Variants in PIEZO2 observed in about 807,000 individuals in gnomAD.
PIEZO2 encodes piezo-type mechanosensitive ion channel component 2.
In PIEZO2, 172 loss-of-function variants were observed where a neutral mutation model predicts 337.3. The observed-to-expected ratio is 0.51, with a 90% confidence interval of 0.45 to 0.58. PIEZO2 has a LOEUF of 0.58. PIEZO2 is among the 20% of genes least tolerant of loss of function. The pLI, the probability that PIEZO2 is intolerant of heterozygous loss-of-function variation, is 0.00. For missense variants in PIEZO2, 3,028 were observed against 3,391.3 expected, an observed-to-expected ratio of 0.89 and a Z score of 2.66; for synonymous variants, 1,251 against 1,228.5, an observed-to-expected ratio of 1.02 and a Z score of -0.38.
Position 10,746,806 on chromosome 18 carries a change from C to T in PIEZO2, c.4424+1665G>A, listed in dbSNP as rs900186948. ...GCCCTCGGCCGACACTGAATCTGCTCGAACCTTGATGTTGGACTTTCCAGC... is the reference window on the plus strand; with the variant it reads ...GCCCTCGGCCGACACTGAATCTGCTTGAACCTTGATGTTGGACTTTCCAGC... On this transcript the variant is annotated intron_variant, in intron 30 of 55. Coordinates refer to ENST00000674853, the MANE Select transcript of PIEZO2 (RefSeq NM_001378183.1). This position sits in a 1 kb window ranked among gnomAD's most constrained non-coding sequence, Gnocchi z 4.2. 3.3e-5 allele frequency among the ~76,000 whole-genome samples: 5 copies of T among 152,304 alleles called. No individual in the cohort carries two copies. The highest frequency in any genetic ancestry group is 3.9e-4 in the East Asian group (2 of 5,182).
rs1298944817 is a variant in PIEZO2 at position 10,773,680 on chromosome 18, T to C, written c.2568-51A>G. The C allele has an allele frequency of 6.7e-7, 1 of 1,497,374 alleles. No individual in the cohort carries two copies. The highest frequency in any genetic ancestry group is 9.0e-7 in the Non-Finnish European group (1 of 1,111,704). The allele number at this position is 1,497,374 out of a possible 1,614,324, so 92.8% of individuals were successfully genotyped here. ...GAAGAGGAAAGGGTGTTGGGAGAGATTTGACTGAGGGGCAAGTAAAAGGAG... is the reference window on the plus strand; with the variant it reads ...GAAGAGGAAAGGGTGTTGGGAGAGACTTGACTGAGGGGCAAGTAAAAGGAG... On this transcript the variant is annotated intron_variant, in intron 19 of 55. Coordinates refer to ENST00000674853, the MANE Select transcript of PIEZO2 (RefSeq NM_001378183.1). The surrounding 1 kb of genome is among the most constrained non-coding windows in gnomAD (Gnocchi z 5.3).
At chr18:10,842,525 G>A (rs1025962480) in intron 7 of PIEZO2, among the ~76,000 whole-genome samples, 1 of 152,170 alleles carries the variant, frequency 6.6e-6, no homozygotes, top group Non-Finnish European at 1.5e-5. Flanking sequence ...CTCTCACCCT[G>A]TGATCTCTAA....
intron 3 of PIEZO2, among the ~76,000 whole-genome samples, chr18:10,921,388 A>C (rs2031387780): frequency 6.6e-6 from 1 of 152,166 alleles, no homozygotes; most frequent in Non-Finnish European, 1.5e-5. Flanking sequence ...TAGTTCCCCA[A>C]ATTAATACTT....
intron 3 of PIEZO2, among the ~76,000 whole-genome samples, chr18:10,928,887 C>A (rs1012970751): frequency 6.6e-6 from 1 of 152,174 alleles, no homozygotes; most frequent in Non-Finnish European, 1.5e-5. Flanking sequence ...GAGTAATGCA[C>A]GTCTACTCAC....
chr18:10,724,961 C>T lies in PIEZO2; in HGVS notation c.5029+6446G>A. ...AACCCAGGTGGGCGCACCCTGCGGC[C>T]TGCAGCCTCCCTGCCTCACATTACT... On this transcript the variant is annotated intron_variant, in intron 36 of 55. Coordinates refer to ENST00000674853, the MANE Select transcript of PIEZO2 (RefSeq NM_001378183.1). The surrounding 1 kb of genome is among the most constrained non-coding windows in gnomAD (Gnocchi z 5.8). 3.8e-6 allele frequency: 6 copies of T among 1,587,384 alleles called. No homozygotes were observed. Among genetic ancestry groups the T allele is most frequent in the Non-Finnish European group, 5.2e-6 (6 of 1,161,440 alleles).
In PIEZO2 at chr18:10,953,962, T is replaced by G. The variant is rs1598740688; in HGVS notation, c.286+25573A>C. ...GAAGTCTGTCAGATTGAGGACCAGGTGGTGTGCAGCTGGTTCAGCACAGGG... is the reference window on the plus strand; with the variant it reads ...GAAGTCTGTCAGATTGAGGACCAGGGGGTGTGCAGCTGGTTCAGCACAGGG... On this transcript the variant is annotated intron_variant, in intron 3 of 55. Coordinates refer to ENST00000674853, the MANE Select transcript of PIEZO2 (RefSeq NM_001378183.1). This position sits in a 1 kb window ranked among gnomAD's most constrained non-coding sequence, Gnocchi z 5.2. 6.6e-6 allele frequency among the ~76,000 whole-genome samples: 1 copy of G among 152,134 alleles called. No homozygotes were observed. The highest frequency in any genetic ancestry group is 6.6e-5 in the Admixed American group (1 of 15,266).
chr18:10,822,692 A>G (rs1202741690), intron 7 of PIEZO2, among the ~76,000 whole-genome samples: 4 of 152,152 alleles, frequency 2.6e-5, no homozygotes, highest in Non-Finnish European at 5.9e-5. Flanking sequence ...CCGGCTCACC[A>G]CATTTCCTGT....
chr18:10,897,904 A>G (rs2042944422), intron 4 of PIEZO2, among the ~76,000 whole-genome samples: 1 of 152,240 alleles, frequency 6.6e-6, no homozygotes, highest in Non-Finnish European at 1.5e-5. Flanking sequence ...ATGTTAATAA[A>G]ATACACGGTC....
chr18:10,927,738 A>T (rs264265), intron 3 of PIEZO2, among the ~76,000 whole-genome samples: 90,859 of 152,004 alleles, frequency 0.6, 27,355 homozygotes, highest in East Asian at 0.74. Context: ...GACAAACTAC[A>T]GAATTTTCCT....
chr18:10,833,926 C>G lies in PIEZO2; in HGVS notation c.917+21427G>C, dbSNP rs1474334049. Among the ~76,000 whole-genome samples, 1 of 152,216 alleles carries G rather than the reference C, an allele frequency of 6.6e-6. No homozygotes were observed. Among genetic ancestry groups the G allele is most frequent in the Non-Finnish European group, 1.5e-5 (1 of 68,036 alleles). On this transcript the variant is annotated intron_variant, in intron 7 of 55. Transcript: ENST00000674853. The surrounding 1 kb of genome is among the most constrained non-coding windows in gnomAD (Gnocchi z 4.7). ...GTCTTTGTTGCTTTTCTACAGACCTCAAAACTTTTCCATGCAGTAGAAGAG... is the reference window on the plus strand; with the variant it reads ...GTCTTTGTTGCTTTTCTACAGACCTGAAAACTTTTCCATGCAGTAGAAGAG...
chr18:10,809,978 A>T (rs964820004), intron 7 of PIEZO2, among the ~76,000 whole-genome samples: 7 of 152,214 alleles, frequency 4.6e-5, no homozygotes, highest in African/African-American at 1.7e-4. Context: ...ATCCCAATGT[A>T]CTGCTTATTT....
chr18:10,835,812 C>A (rs1337919175), intron 7 of PIEZO2, among the ~76,000 whole-genome samples: 1 of 152,214 alleles, frequency 6.6e-6, no homozygotes, highest in Non-Finnish European at 1.5e-5. Context: ...CGGGCATGAG[C>A]CAGCGCGTCC....
intron 14 of PIEZO2, 56 bp downstream of exon 14, chr18:10,791,145 T>C: frequency 6.9e-7 from 1 of 1,459,496 alleles, no homozygotes; most frequent in Non-Finnish European, 9.1e-7. Flanking sequence ...TGGGGCTCTT[T>C]CTCTGTAATT....
intron 1 of PIEZO2, among the ~76,000 whole-genome samples, chr18:11,107,186 C>G (rs1247084829): frequency 6.6e-6 from 1 of 151,770 alleles, no homozygotes; most frequent in Non-Finnish European, 1.5e-5. Flanking sequence ...TCGATATTAT[C>G]CCGTAGGGTT....
In PIEZO2 at chr18:10,675,204, C is replaced by T; in HGVS notation, c.8161+5G>A. On this transcript the variant is annotated splice_donor_5th_base_variant and intron_variant, in intron 54 of 55. Coordinates refer to ENST00000674853, the MANE Select transcript of PIEZO2 (RefSeq NM_001378183.1). Reference sequence around the variant, plus strand: ...AATTCTGAAACAAATTTTTCTCATTCTTACCAGATAAAAGTTGCTTTATAG... The same window carrying T: ...AATTCTGAAACAAATTTTTCTCATTTTTACCAGATAAAAGTTGCTTTATAG... 1 of 1,523,244 alleles carries T rather than the reference C, an allele frequency of 6.6e-7. No homozygotes were observed. The highest frequency in any genetic ancestry group is 8.9e-7 in the Non-Finnish European group (1 of 1,119,186). 94.4% of individuals were successfully genotyped at this position (1,523,244 alleles called of 1,614,324 possible).
intron 18 of PIEZO2, among the ~76,000 whole-genome samples, chr18:10,777,469 G>A (rs1568045417): frequency 6.6e-6 from 1 of 152,124 alleles, no homozygotes; most frequent in Non-Finnish European, 1.5e-5. Flanking sequence ...CTGTGCCTGG[G>A]GTGCACTATA....
intron 1 of PIEZO2, among the ~76,000 whole-genome samples, chr18:11,139,535 C>A (rs1568408814): frequency 6.6e-6 from 1 of 152,012 alleles, no homozygotes; most frequent in Non-Finnish European, 1.5e-5. Context: ...AATGTAAATA[C>A]TCTCTCTCCC....
In PIEZO2 at chr18:10,833,310, AT is replaced by A. The variant is rs1333601375; in HGVS notation, c.917+22042del. On this transcript the variant is annotated intron_variant, in intron 7 of 55. Transcript: ENST00000674853. This position sits in a 1 kb window ranked among gnomAD's most constrained non-coding sequence, Gnocchi z 4.7. ...AGTTCTGACGCACTGGGATTCACTTATTTTTCCTGTGTTCTCTTTTCTTCTG... is the reference window on the plus strand; with the variant it reads ...AGTTCTGACGCACTGGGATTCACTTATTTTCCTGTGTTCTCTTTTCTTCTG... 6.6e-6 allele frequency among the ~76,000 whole-genome samples: 1 copy of A among 151,780 alleles called. No homozygotes were observed. The highest frequency in any genetic ancestry group is 2.4e-5 in the African/African-American group (1 of 41,270).
Position 11,016,300 on chromosome 18 carries a change from GAC to G in PIEZO2, c.161-36642_161-36641del, listed in dbSNP as rs1304726063. On this transcript the variant is annotated intron_variant, in intron 2 of 55. Coordinates refer to ENST00000674853, the MANE Select transcript of PIEZO2 (RefSeq NM_001378183.1). This position sits in a 1 kb window ranked among gnomAD's most constrained non-coding sequence, Gnocchi z 5.6. ...TGACTGTGGGCAGAATCACAGGAGAGACACAGAATGTGGCGGTAGAGACGGTC... is the reference window on the plus strand; with the variant it reads ...TGACTGTGGGCAGAATCACAGGAGAGACAGAATGTGGCGGTAGAGACGGTC... Among the ~76,000 whole-genome samples, 4 of 152,204 alleles carry G rather than the reference GAC, an allele frequency of 2.6e-5. No individual in the cohort carries two copies. The highest frequency in any genetic ancestry group is 9.6e-5 in the African/African-American group (4 of 41,456).
Sources: gnomAD v4.1 joint callset for allele counts (sites outside exome capture counted in the v4.1 genomes callset) on GRCh38, gnomAD v4.1.1 for gene constraint, Gnocchi (gnomAD v3.1) non-coding constraint, MANE v1.5 for transcripts, NCBI Gene and HGNC (gene_info 2026-07-23, HGNC 2026-07-21) for gene names.